Variants in PSD3 observed in about 807,000 individuals in gnomAD.
The protein encoded by PSD3 is pleckstrin and Sec7 domain containing 3.
PSD3 carries 49 observed loss-of-function variants against 105.5 expected under a neutral mutation model. The observed-to-expected ratio is 0.46, with a 90% CI of 0.37 to 0.59. The LOEUF is 0.59. PSD3 is among the 20% of genes least tolerant of loss of function. The pLI is 0.00. For synonymous variants in PSD3, 557 were observed against 457.8 expected (o/e 1.22, Z -2.77); for missense variants, 1,561 against 1,263.8 (o/e 1.24, Z -3.57).
chr8:18,791,214 T>C (rs1809690060), intron 8 of PSD3, among the ~76,000 whole-genome samples: 1 of 152,132 alleles, frequency 6.6e-6, no homozygotes, highest in Admixed American at 6.6e-5. Context: ...CTTCATTTAA[T>C]TAGAAAAAAA....
intron 9 of PSD3, among the ~76,000 whole-genome samples, chr8:18,740,154 G>A (rs567089257): frequency 4.6e-5 from 7 of 152,214 alleles, no homozygotes; most frequent in Admixed American, 3.9e-4. Context: ...CTAGCACGGC[G>A]TTGCTTTCCT....
At chr8:19,080,081 G>A (rs1829594238) in intron 1 of PSD3, among the ~76,000 whole-genome samples, 1 of 152,024 alleles carries the variant, frequency 6.6e-6, no homozygotes, top group African/African-American at 2.4e-5. Flanking sequence ...GTAGAAATGG[G>A]GTTTCACCAT....
intron 2 of PSD3, among the ~76,000 whole-genome samples, chr8:18,933,223 G>C (rs753790231): frequency 1.6e-4 from 25 of 152,118 alleles, no homozygotes; most frequent in Non-Finnish European, 2.6e-4. Context: ...GTGTCATTTT[G>C]GTTTGCCTCG....
At chr8:19,010,186 C>T (rs1342200126) in intron 1 of PSD3, among the ~76,000 whole-genome samples, 3 of 152,270 alleles carry the variant, frequency 2.0e-5, no homozygotes, top group Admixed American at 6.5e-5. Flanking sequence ...AGTGGTCTGC[C>T]ATGGCCGCAG....
At chr8:18,844,461 T>C (rs915364899) in intron 4 of PSD3, among the ~76,000 whole-genome samples, 1 of 152,186 alleles carries the variant, frequency 6.6e-6, no homozygotes, top group African/African-American at 2.4e-5. Flanking sequence ...TGGAAACAAC[T>C]TAAAGTAGAC....
intron 9 of PSD3, chr8:18,730,160 T>C (rs1207514677): frequency 6.6e-6 from 1 of 152,186 alleles, no homozygotes; most frequent in African/African-American, 2.4e-5. Flanking sequence ...TTTTGAGATA[T>C]TTTGACTATG....
At chr8:18,682,850 G>A (rs975755904) in intron 9 of PSD3, among the ~76,000 whole-genome samples, 1 of 152,068 alleles carries the variant, frequency 6.6e-6, no homozygotes, top group Non-Finnish European at 1.5e-5. Context: ...CACTCTCAGT[G>A]GGTCTGGATA....
In PSD3 at chr8:18,848,786, C is replaced by T. The variant is rs114384121; in HGVS notation, c.1634+18888G>A. On this transcript the variant is annotated intron_variant, in intron 4 of 15. Transcript: ENST00000327040. ...CCAGTAAACTCACCCTAGGTTGGGG[C>T]GGAATGCAGAGACGGTGGGGATTAT... Among the ~76,000 whole-genome samples the T allele has an allele frequency of 5.0e-3, 762 of 152,218 alleles. 8 individuals are homozygous for T. Among genetic ancestry groups the T allele is most frequent in the Middle Eastern group, 0.021 (6 of 292 alleles).
rs570317889 is a variant in PSD3 at position 19,039,931 on chromosome 8, C to T, written c.324+44275G>A. On this transcript the variant is annotated intron_variant, in intron 1 of 1. Transcript: ENST00000521475. ...ATATGGTATCAAGGAACAATAAGAA[C>T]TGTGAAGAAAAATGAAGCAGGTTAA... Among the ~76,000 whole-genome samples, 4 of 152,236 alleles carry T rather than the reference C, an allele frequency of 2.6e-5. No individual in the cohort carries two copies. The South Asian group carries it at 8.3e-4, about 32-fold the overall frequency.
chr8:18,817,252 A>G (rs1304983375), intron 4 of PSD3, among the ~76,000 whole-genome samples: 1 of 152,248 alleles, frequency 6.6e-6, no homozygotes. Context: ...TATTAGTATC[A>G]TATATGTACT....
intron 1 of PSD3, among the ~76,000 whole-genome samples, chr8:18,956,792 C>A (rs1563461029): frequency 6.6e-6 from 1 of 152,112 alleles, no homozygotes; most frequent in Admixed American, 6.6e-5. Context: ...GGACAATTAA[C>A]AAAGGATCCA....
At chr8:19,036,191 G>A (rs1412563922) in intron 1 of PSD3, among the ~76,000 whole-genome samples, 1 of 152,098 alleles carries the variant, frequency 6.6e-6, no homozygotes, top group African/African-American at 2.4e-5. Flanking sequence ...CACCCACCAG[G>A]AACTATTTTC....
In PSD3 at chr8:18,755,433, ATAACATAAC is replaced by A. The variant is rs1563228578; in HGVS notation, c.2172+10007_2172+10015del. ...CAACAGAGTGAGACCCTGTCTCAAC[ATAACATAAC>A]ATAACATAACATAACATAACATAAC... On this transcript the variant is annotated intron_variant, in intron 9 of 15. Transcript: ENST00000327040. 7.5e-4 allele frequency among the ~76,000 whole-genome samples: 106 copies of A among 141,526 alleles called. 1 individual carries two copies. The highest frequency in any genetic ancestry group is 4.7e-3 in the Admixed American group (68 of 14,542). The allele number at this position is 141,526 out of a possible 152,430, so 92.8% of individuals were successfully genotyped here.
At chr8:18,835,977 T>C (rs1384597129) in intron 4 of PSD3, among the ~76,000 whole-genome samples, 1 of 152,066 alleles carries the variant, frequency 6.6e-6, no homozygotes, top group East Asian at 1.9e-4. Context: ...TAAAGCAGGG[T>C]GTTAGTTGCA....
intron 10 of PSD3, among the ~76,000 whole-genome samples, chr8:18,654,675 G>C (rs1181981589): frequency 6.6e-6 from 1 of 152,164 alleles, no homozygotes; most frequent in Admixed American, 6.5e-5. Context: ...GTCAAAGAGA[G>C]TCAGGAAACA....
chr8:18,817,229 A>G (rs1812290222), intron 4 of PSD3, among the ~76,000 whole-genome samples: 1 of 152,228 alleles, frequency 6.6e-6, no homozygotes, highest in African/African-American at 2.4e-5. Flanking sequence ...AGGTACAACA[A>G]TTTACAAAAG....
At chr8:18,623,901 C>A (rs184023548) in intron 11 of PSD3, among the ~76,000 whole-genome samples, 3 of 152,086 alleles carry the variant, frequency 2.0e-5, no homozygotes, top group African/African-American at 4.8e-5. Flanking sequence ...TGTTATCTTA[C>A]GTGCAGATTC....
rs751775123 is a variant in PSD3, at chr8:18,556,266, C to T, written c.2871G>A (p.Lys957=). ...AEHRSYPPDK[K]VKAKDVDEYK... ...ACTCATCGACGTCCTTGGCTTTGAC[C>T]TTCTTGTCGGGGGGATATGAGCGGT... The change falls in exon 15 of 16, where the codon AAG becomes AAA. Residue 957 remains lysine, a synonymous_variant. Transcript: ENST00000327040. 4 of 1,614,066 alleles carry T rather than the reference C, an allele frequency of 2.5e-6. No individual in the cohort carries two copies. Among genetic ancestry groups the T allele is most frequent in the Non-Finnish European group, 3.4e-6 (4 of 1,179,982 alleles).
chr8:18,906,151 T>C (rs1312141675), intron 2 of PSD3, among the ~76,000 whole-genome samples: 1 of 152,166 alleles, frequency 6.6e-6, no homozygotes, highest in African/African-American at 2.4e-5. Context: ...GAGAAAGACA[T>C]CCTTGAGAAA....
Sources: gnomAD v4.1 joint callset for allele counts (sites outside exome capture counted in the v4.1 genomes callset) on GRCh38, gnomAD v4.1.1 for gene constraint, MANE v1.5 for transcripts, NCBI Gene and HGNC (gene_info 2026-07-23, HGNC 2026-07-21) for gene names.